COQ10B: variants seen among roughly 807,000 people sequenced by gnomAD.
COQ10B encodes the protein coenzyme Q-binding protein COQ10 homolog B, mitochondrial.
COQ10B carries 12 observed loss-of-function variants against 27.6 expected under a neutral mutation model. The observed-to-expected ratio is 0.43, with a 90% CI of 0.28 to 0.70. COQ10B has a LOEUF of 0.70. Ranked by LOEUF, COQ10B falls within the 30% of genes least tolerant of loss-of-function variation. The probability of loss-of-function intolerance (pLI) is 0.17; values close to 1 mark genes in which losing one functional copy is unlikely to be tolerated. For synonymous variants in COQ10B, 115 were observed against 103.0 expected, an observed-to-expected ratio of 1.12 and a Z score of -0.71; for missense variants, 278 against 288.7, an observed-to-expected ratio of 0.96 and a Z score of 0.27.
intron 1 of COQ10B, 191 bp downstream of exon 1, chr2:197,453,855 C>T: frequency 1.6e-6 from 2 of 1,222,634 alleles, no homozygotes; most frequent in Admixed American, 4.4e-5. Flanking sequence ...GGGCCCAAGG[C>T]TGTGTTCGTG....
intron 1 of COQ10B, among the ~76,000 whole-genome samples, chr2:197,455,646 C>G (rs1178570853): frequency 6.6e-6 from 1 of 151,432 alleles, no homozygotes; most frequent in African/African-American, 2.4e-5. Context: ...TCCTGGGCAA[C>G]AGAACCAGAC....
At chr2:197,464,181 T>C (rs958978096) in intron 3 of COQ10B, among the ~76,000 whole-genome samples, 2 of 150,882 alleles carry the variant, frequency 1.3e-5, no homozygotes, top group Admixed American at 6.7e-5. Context: ...TTAATCATCT[T>C]ATGCTTGTCA....
At chr2:197,470,915 A>AAAAATG (rs1436760698) in intron 4 of COQ10B, among the ~76,000 whole-genome samples, 4 of 152,010 alleles carry the variant, frequency 2.6e-5, no homozygotes, top group African/African-American at 4.8e-5. Flanking sequence ...AAATAAAAAT[A>AAAAATG]AAATTATCCT....
Position 197,459,979 on chromosome 2 carries a change from A to G in COQ10B, c.152A>G (p.His51Arg). ...GILMSRTLPL[H>R]TSILPKEICA... is the part of the protein sequence containing the mutation. ...CTGATGAGCAGAACTCTTCCACTACATACCTCAATTTTGCCTAAGGAGATA... is the reference window on the plus strand; with the variant it reads ...CTGATGAGCAGAACTCTTCCACTACGTACCTCAATTTTGCCTAAGGAGATA... Residue 51 changes from histidine to arginine, a missense_variant, in exon 2 of 5, where the codon CAT (histidine) becomes CGT (arginine). Physicochemically the swap from His to Arg is conservative, Grantham distance 29. This residue lies in a region of COQ10B where 183 missense variants were observed against 158.2 expected (regional missense o/e 1.16). Transcript: ENST00000263960. 1 of 1,612,360 alleles carries G rather than the reference A, an allele frequency of 6.2e-7. No homozygotes were observed.
intron 1 of COQ10B, among the ~76,000 whole-genome samples, chr2:197,457,365 G>T (rs1304172996): frequency 6.6e-6 from 1 of 152,192 alleles, no homozygotes; most frequent in Non-Finnish European, 1.5e-5. Flanking sequence ...TTGAATGTTT[G>T]AGATGATGGA....
intron 1 of COQ10B, 164 bp downstream of exon 1, chr2:197,453,828 G>A: frequency 3.8e-6 from 4 of 1,049,590 alleles, no homozygotes. Context: ...GGACTCAAGA[G>A]CGGCGCGCAT....
In COQ10B at chr2:197,462,546, A is replaced by T. The variant is rs755899746; in HGVS notation, c.262A>T (p.Met88Leu). ...TATTTTTATTTTTTAAAGATATTCAATGCAGGAAATGTATGATGTAGTATC... is the reference window on the plus strand; with the variant it reads ...TATTTTTATTTTTTAAAGATATTCATTGCAGGAAATGTATGATGTAGTATC... The part of the protein sequence containing the change: ...YSERRILGYS[M>L]QEMYDVVSGV... Residue 88 changes from methionine to leucine, a missense_variant, in exon 3 of 5, where the codon ATG (methionine) becomes TTG (leucine). Met to Leu is a conservative substitution (Grantham distance 15, BLOSUM62 2). Coordinates refer to ENST00000263960, the MANE Select transcript of COQ10B (RefSeq NM_025147.5). The T allele has an allele frequency of 2.6e-6, 4 of 1,550,930 alleles. No individual in the cohort carries two copies. In the South Asian group the frequency reaches 3.6e-5, roughly 14 times the overall value.
chr2:197,457,219 C>T (rs564525118), intron 1 of COQ10B, among the ~76,000 whole-genome samples: 9 of 152,290 alleles, frequency 5.9e-5, no homozygotes, highest in African/African-American at 1.7e-4. Context: ...TAACAGGCCA[C>T]GGACAGGTAC....
chr2:197,464,170 A>G lies in COQ10B; in HGVS notation c.447+1439A>G, dbSNP rs546482886. 9.5e-4 allele frequency among the ~76,000 whole-genome samples: 143 copies of G among 150,886 alleles called. 1 individual carries two copies. The Middle Eastern group carries it at 0.014, about 14-fold the overall frequency. On this transcript the variant is annotated intron_variant, in intron 3 of 4. Coordinates refer to ENST00000263960, the MANE Select transcript of COQ10B (RefSeq NM_025147.5). ...GAAATGCCAACTGCTCTTACATTAT[A>G]TTAATCATCTTATGCTTGTCAGAGG... is the stretch of plus-strand genomic sequence containing the variant.
intron 3 of COQ10B, among the ~76,000 whole-genome samples, chr2:197,465,477 A>G (rs1247925504): frequency 6.6e-6 from 1 of 151,906 alleles, no homozygotes; most frequent in Non-Finnish European, 1.5e-5. Context: ...TTTTTAGTAG[A>G]GACGGGGTTT....
In COQ10B at chr2:197,460,077, T is replaced by C; in HGVS notation, c.250T>C (p.Leu84=). The change falls in exon 2 of 5, where the codon TTA becomes CTA. Residue 84 remains leucine (L), a synonymous_variant. Transcript: ENST00000263960. ...GAAAGAATATTCAGAGAGAAGAATT[T>C]TAGGGTTCGTATATGATAAGAATTC... The part of the protein sequence containing the change: ...KRKEYSERRI[L]GYSMQEMYDV... 1.9e-6 allele frequency: 3 copies of C among 1,603,852 alleles called. No individual in the cohort carries two copies. The East Asian group carries it at 6.7e-5, about 36-fold the overall frequency.
chr2:197,463,990 T>G (rs1253379211), intron 3 of COQ10B, among the ~76,000 whole-genome samples: 1 of 74,944 alleles, frequency 1.3e-5, no homozygotes, highest in Non-Finnish European at 2.5e-5. Flanking sequence ...TATATATATA[T>G]ATATATACAC....
intron 1 of COQ10B, chr2:197,454,154 A>T: frequency 1.9e-6 from 3 of 1,544,964 alleles, no homozygotes; most frequent in Non-Finnish European, 2.6e-6. Flanking sequence ...TACAAAACTA[A>T]ATACAGCCAG....
chr2:197,462,838 G>A (rs541234055), intron 3 of COQ10B, 107 bp downstream of exon 3: 1 of 606,092 alleles, frequency 1.6e-6, no homozygotes, highest in South Asian at 2.5e-5. Context: ...CTAACAGGAG[G>A]AGGGTAAAAA....
chr2:197,470,729 T>C (rs973531857), intron 4 of COQ10B, among the ~76,000 whole-genome samples: 7 of 152,166 alleles, frequency 4.6e-5, no homozygotes, highest in African/African-American at 1.7e-4. Flanking sequence ...ACCCCGTCTC[T>C]AGTAAAAATA....
rs1327455660 is a variant in COQ10B, at chr2:197,475,122, T to G, written c.*1198T>G. Reference sequence around the variant, plus strand: ...AATGTAATAAAGTTAATTTGTTTATTTTTTGTACAGTTAGTTTGGTTATTG... The same window carrying G: ...AATGTAATAAAGTTAATTTGTTTATGTTTTGTACAGTTAGTTTGGTTATTG... On this transcript the variant is annotated 3_prime_UTR_variant, in exon 5 of 5. Transcript: ENST00000263960. 5 of 152,380 alleles carry G rather than the reference T, an allele frequency of 3.3e-5. No individual in the cohort carries two copies. Among genetic ancestry groups the G allele is most frequent in the Non-Finnish European group, 7.3e-5 (5 of 68,042 alleles). 9.4% of individuals were successfully genotyped at this position (152,380 alleles called of 1,614,324 possible). A position where few individuals can be genotyped will look rare whatever the true frequency, so the allele number is the denominator to read the frequency against.
At chr2:197,458,116 C>CT (rs140427468) in intron 1 of COQ10B, among the ~76,000 whole-genome samples, 62,647 of 143,596 alleles carry the variant, frequency 0.44, 13,828 homozygotes, top group Middle Eastern at 0.56. Context: ...TTTTCTTTTT[C>CT]TTTTTTTTTT....
intron 1 of COQ10B, among the ~76,000 whole-genome samples, chr2:197,455,079 C>T (rs554785661): frequency 2.0e-3 from 307 of 152,174 alleles, no homozygotes; most frequent in Non-Finnish European, 3.4e-3. Flanking sequence ...GCTTTAAACA[C>T]TGGTGTTTTC....
At chr2:197,454,901 G>T (rs1207836398) in intron 1 of COQ10B, among the ~76,000 whole-genome samples, 1 of 152,066 alleles carries the variant, frequency 6.6e-6, no homozygotes, top group Non-Finnish European at 1.5e-5. Flanking sequence ...TCTCCATGTG[G>T]TCCAGTTGTC....
Sources: gnomAD v4.1 joint callset for allele counts (sites outside exome capture counted in the v4.1 genomes callset) on GRCh38, gnomAD v4.1.1 for gene constraint, gnomAD v4.1.1 regional missense constraint, MANE v1.5 for transcripts, NCBI Gene and HGNC (gene_info 2026-07-23, HGNC 2026-07-21) for gene names.